IL1RAPL1: variants seen among roughly 807,000 people sequenced by gnomAD.
IL1RAPL1 encodes interleukin 1 receptor accessory protein like 1, also known as interleukin-1 receptor accessory protein-like 1.
IL1RAPL1 carries 3 observed loss-of-function variants against 48.4 expected under a neutral mutation model. That is an observed-to-expected ratio of 0.06 (90% confidence interval 0.03 to 0.16). The LOEUF is 0.16. IL1RAPL1 is among the 10% of genes least tolerant of loss of function. The pLI is 1.00. For synonymous variants in IL1RAPL1, 185 were observed against 187.7 expected (o/e 0.99, Z 0.12); for missense variants, 349 against 530.6 (o/e 0.66, Z 3.36).
rs1935842402 is a variant in IL1RAPL1 at position 28,737,159 on chromosome X, TTCCTTCCTTCCTTC to T, written c.-24-52160_-24-52147del. On this transcript the variant is annotated intron_variant, in intron 1 of 10. Coordinates refer to ENST00000378993, the MANE Select transcript of IL1RAPL1 (RefSeq NM_014271.4). ...CTTCCTTCCTTCCTTCCTTCCTTCC[TTCCTTCCTTCCTTC>T]CTTCCTTTCTTTCCTTTCTCTTTCT... 2.1e-4 allele frequency among the ~76,000 whole-genome samples: 9 copies of T among 42,989 alleles called. No homozygotes were observed. In the East Asian group the frequency reaches 3.2e-3, roughly 15 times the overall value. 37.3% of individuals were successfully genotyped at this position (42,989 alleles called of 115,157 possible).
chrX:29,340,393 C>G (rs1933057649), intron 3 of IL1RAPL1, among the ~76,000 whole-genome samples: 1 of 111,714 alleles, frequency 9.0e-6, no homozygotes. Flanking sequence ...TCTGTTTCTA[C>G]AGATTTACCT....
intron 2 of IL1RAPL1, among the ~76,000 whole-genome samples, chrX:29,086,118 G>T (rs1426440818): frequency 8.9e-6 from 1 of 112,069 alleles, no homozygotes; most frequent in Non-Finnish European, 1.9e-5. Context: ...TTATAGCTTA[G>T]TGGGTTGATT....
Position 29,009,511 on chromosome X carries a change from A to G in IL1RAPL1, c.82+220086A>G, listed in dbSNP as rs769709957. On this transcript the variant is annotated intron_variant, in intron 2 of 10. Coordinates refer to ENST00000378993, the MANE Select transcript of IL1RAPL1 (RefSeq NM_014271.4). ...CAGCTGTCCCAACACCATTGGTTGAATGGGGGTCCTTTCTCTTTTATTTAT... is the reference window on the plus strand; with the variant it reads ...CAGCTGTCCCAACACCATTGGTTGAGTGGGGGTCCTTTCTCTTTTATTTAT... 3.6e-5 allele frequency among the ~76,000 whole-genome samples: 4 copies of G among 111,996 alleles called. No individual in the cohort carries two copies. The South Asian group carries it at 1.5e-3, about 42-fold the overall frequency.
chrX:28,941,396 G>GCA (rs1182557737), intron 2 of IL1RAPL1, among the ~76,000 whole-genome samples: 5 of 110,774 alleles, frequency 4.5e-5, no homozygotes, highest in Non-Finnish European at 9.5e-5. Flanking sequence ...AATTTATGAG[G>GCA]CAGAAGAAAA....
At position 29,080,928 on chromosome X, in the gene IL1RAPL1, C is replaced by CTTTCTTTCTTTCTTTCTTTCT. The variant is rs1569232631; in HGVS notation, c.83-202007_83-201987dup. On this transcript the variant is annotated intron_variant, in intron 2 of 10. Coordinates refer to ENST00000378993, the MANE Select transcript of IL1RAPL1 (RefSeq NM_014271.4). ...CAGCTATTTTTTTTAAATATTTTTTCTTTCTTTCTTTCTTTCTTTCTTTCT... is the reference window on the plus strand; with the variant it reads ...CAGCTATTTTTTTTAAATATTTTTTCTTTCTTTCTTTCTTTCTTTCTTTTCTTTCTTTCTTTCTTTCTTTCT... Among the ~76,000 whole-genome samples the CTTTCTTTCTTTCTTTCTTTCT allele has an allele frequency of 1.7e-3, 43 of 25,406 alleles. 3 individuals are homozygous for CTTTCTTTCTTTCTTTCTTTCT. Among genetic ancestry groups the CTTTCTTTCTTTCTTTCTTTCT allele is most frequent in the African/African-American group, 3.8e-3 (21 of 5,538 alleles). 22.1% of individuals were successfully genotyped at this position (25,406 alleles called of 115,157 possible).
intron 1 of IL1RAPL1, among the ~76,000 whole-genome samples, chrX:28,723,718 C>G (rs746593325): frequency 8.9e-6 from 1 of 111,819 alleles, no homozygotes; most frequent in East Asian, 2.8e-4. Context: ...CCTGCTTTCT[C>G]TTGTGGGCAT....
chrX:29,926,714 G>A (rs763734061), intron 8 of IL1RAPL1, among the ~76,000 whole-genome samples: 23 of 111,444 alleles, frequency 2.1e-4, no homozygotes, highest in South Asian at 1.9e-3. Flanking sequence ...ATTGTAGACC[G>A]TTTAGCAGTA....
chrX:28,798,869 G>A (rs1055307747), intron 2 of IL1RAPL1, among the ~76,000 whole-genome samples: 3 of 111,712 alleles, frequency 2.7e-5, no homozygotes, highest in Non-Finnish European at 5.6e-5. Context: ...TGAGAGATGC[G>A]GAAGGAGAAA....
chrX:28,899,580 G>C (rs1030015417), intron 2 of IL1RAPL1, among the ~76,000 whole-genome samples: 4 of 112,257 alleles, frequency 3.6e-5, no homozygotes, highest in African/African-American at 1.3e-4. Flanking sequence ...GCTGCTTCCC[G>C]TATGTGGGAG....
intron 1 of IL1RAPL1, among the ~76,000 whole-genome samples, chrX:28,748,543 A>C: frequency 8.9e-6 from 1 of 112,139 alleles, no homozygotes; most frequent in Non-Finnish European, 1.9e-5. Context: ...TTTTCACAAA[A>C]TAATATTAAT....
intron 5 of IL1RAPL1, among the ~76,000 whole-genome samples, chrX:29,405,460 G>A (rs1344007815): frequency 6.2e-5 from 6 of 96,788 alleles, no homozygotes; most frequent in Admixed American, 2.1e-4. Flanking sequence ...TCCGCCTCCC[G>A]GGTTCACGCC....
intron 2 of IL1RAPL1, among the ~76,000 whole-genome samples, chrX:28,903,906 AATTAC>A (rs1245816621): frequency 1.8e-5 from 2 of 110,164 alleles, no homozygotes; most frequent in Admixed American, 9.8e-5. Context: ...TAATGAATAA[AATTAC>A]ATGTGTATAT....
intron 6 of IL1RAPL1, among the ~76,000 whole-genome samples, chrX:29,906,191 C>T (rs1330458888): frequency 1.1e-4 from 12 of 106,093 alleles, no homozygotes; most frequent in African/African-American, 3.1e-4. Context: ...AACAATCAGC[C>T]GGGCGTCGTG....
chrX:29,764,384 G>A (rs2147146972), intron 6 of IL1RAPL1, among the ~76,000 whole-genome samples: 1 of 112,078 alleles, frequency 8.9e-6, no homozygotes, highest in South Asian at 3.7e-4. Flanking sequence ...TTTTAAGGGA[G>A]GGCCTTTACT....
intron 2 of IL1RAPL1, among the ~76,000 whole-genome samples, chrX:28,964,920 A>G (rs186886179): frequency 1.8e-5 from 2 of 110,811 alleles, no homozygotes; most frequent in African/African-American, 3.3e-5. Context: ...TCTTTTGACT[A>G]TTTCTGGAAT....
rs771978766 is a variant in IL1RAPL1, at chrX:29,720,387, A to C, written c.778+51883A>C. ...ATCAATGATAGACTGGATTAAGAAAATGTGGCACATATACACCATGAAATA... is the reference window on the plus strand; with the variant it reads ...ATCAATGATAGACTGGATTAAGAAACTGTGGCACATATACACCATGAAATA... On this transcript the variant is annotated intron_variant, in intron 6 of 10. Transcript: ENST00000378993. Among the ~76,000 whole-genome samples, 5 of 111,873 alleles carry C rather than the reference A, an allele frequency of 4.5e-5. No homozygotes were observed. In the East Asian group the frequency reaches 1.4e-3, roughly 32 times the overall value.
chrX:29,671,379 T>G (rs1926136116), intron 6 of IL1RAPL1, among the ~76,000 whole-genome samples: 1 of 112,059 alleles, frequency 8.9e-6, no homozygotes, highest in Admixed American at 9.5e-5. Flanking sequence ...CAAAAAGCAC[T>G]AAAAGCAAAG....
intron 5 of IL1RAPL1, among the ~76,000 whole-genome samples, chrX:29,403,335 T>G (rs1159711478): frequency 3.6e-5 from 4 of 110,360 alleles, no homozygotes; most frequent in African/African-American, 6.7e-5. Context: ...TGTGACATAC[T>G]TATATTGGGG....
intron 2 of IL1RAPL1, among the ~76,000 whole-genome samples, chrX:28,951,071 A>G (rs1389291299): frequency 1.2e-5 from 1 of 85,482 alleles, no homozygotes; most frequent in Non-Finnish European, 2.2e-5. Flanking sequence ...GAATTGAACA[A>G]TGAGAACACA....
Sources: allele counts gnomAD v4.1 joint callset (sites outside exome capture counted in the v4.1 genomes callset), GRCh38; gene constraint gnomAD v4.1.1; transcripts MANE v1.5; gene names NCBI Gene and HGNC (gene_info 2026-07-23, HGNC 2026-07-21).